The following ETV1 variants were observed in gnomAD, a reference collection of about 807,000 sequenced individuals.
The protein encoded by ETV1 is ETS translocation variant 1.
A neutral mutation model predicts 62.3 loss-of-function variants in ETV1; 27 were observed. The ratio of observed to expected loss-of-function variants is 0.43; its 90% CI spans 0.32 to 0.60. The LOEUF (loss-of-function observed/expected upper bound fraction) is 0.60. Among genes scored for constraint, ETV1 ranks in the 20% least tolerant of loss-of-function variants. ETV1 has a pLI of 0.06. For missense variants in ETV1, 605 were observed against 605.8 expected, an observed-to-expected ratio of 1.00 and a Z score of 0.01; for synonymous variants, 222 against 199.6, an observed-to-expected ratio of 1.11 and a Z score of -0.94.
intron 6 of ETV1, among the ~76,000 whole-genome samples, chr7:13,943,052 C>G: frequency 6.6e-6 from 1 of 152,118 alleles, no homozygotes; most frequent in East Asian, 1.9e-4. Context: ...AAGTCACAAG[C>G]TATAAGATGT....
At chr7:13,926,619 TATC>T (rs1785457108) in intron 9 of ETV1, among the ~76,000 whole-genome samples, 1 of 152,148 alleles carries the variant, frequency 6.6e-6, no homozygotes, top group Non-Finnish European at 1.5e-5. Flanking sequence ...TGAAAAAAAA[TATC>T]ATGTTGGATT....
intron 10 of ETV1, among the ~76,000 whole-genome samples, chr7:13,909,972 T>A (rs1327194032): frequency 6.6e-6 from 1 of 152,106 alleles, no homozygotes; most frequent in African/African-American, 2.4e-5. Context: ...GTTATTTACA[T>A]TGTTAACTCA....
intron 5 of ETV1, chr7:13,986,230 C>G (rs1002979244): frequency 6.4e-7 from 1 of 1,553,008 alleles, no homozygotes; most frequent in Non-Finnish European, 8.7e-7. Flanking sequence ...AAGTCCTCCA[C>G]CAGAACACCA....
chr7:13,928,446 C>G (rs933492244), intron 9 of ETV1, among the ~76,000 whole-genome samples: 5 of 151,758 alleles, frequency 3.3e-5, no homozygotes, highest in Admixed American at 3.3e-4. Context: ...GAAATCCTGT[C>G]TCTACTAAAA....
chr7:13,976,315 G>A (rs1781447604), intron 6 of ETV1, among the ~76,000 whole-genome samples: 1 of 152,150 alleles, frequency 6.6e-6, no homozygotes, highest in African/African-American at 2.4e-5. Context: ...CAATGTGAAT[G>A]TACTTAGTGC....
chr7:13,968,447 T>C (rs889535672), intron 6 of ETV1, among the ~76,000 whole-genome samples: 6 of 151,586 alleles, frequency 4.0e-5, no homozygotes, highest in Admixed American at 2.0e-4. Context: ...TAGTGAAAAG[T>C]ATCTACTAGA....
chr7:13,907,976 C>T, intron 11 of ETV1: 2 of 350,742 alleles, frequency 5.7e-6, no homozygotes, highest in Non-Finnish European at 1.2e-5. Context: ...TTTTATTTAT[C>T]TCAGTTTTTC....
intron 9 of ETV1, among the ~76,000 whole-genome samples, chr7:13,917,622 T>A (rs188914907): frequency 6.6e-6 from 1 of 151,712 alleles, no homozygotes; most frequent in Admixed American, 6.6e-5. Flanking sequence ...TGACCAACTT[T>A]GAGTATTTAT....
chr7:13,949,508 G>T (rs964781542), intron 6 of ETV1, among the ~76,000 whole-genome samples: 1 of 152,060 alleles, frequency 6.6e-6, no homozygotes, highest in East Asian at 1.9e-4. Flanking sequence ...TGCATCTGAG[G>T]CTCTCAAAGA....
In ETV1 at chr7:13,935,772, C is replaced by T. The variant is rs1257458642; in HGVS notation, c.490G>A (p.Ala164Thr). ...GATGGAGGGAGGTGAGCTGGGAAGGCCCGGTCAGGTTTCGGTGTATGAGTT... is the reference window on the plus strand; with the variant it reads ...GATGGAGGGAGGTGAGCTGGGAAGGTCCGGTCAGGTTTCGGTGTATGAGTT... ...NSTHTPKPDR[A>T]FPAHLPPSQS... Residue 164 changes from alanine to threonine, a missense_variant, in exon 8 of 14, where the codon GCC becomes ACC. Ala to Thr is a moderately conservative substitution (Grantham distance 58). Transcript: ENST00000430479. 1 of 1,613,806 alleles carries T rather than the reference C, an allele frequency of 6.2e-7. No individual in the cohort carries two copies. The highest frequency in any genetic ancestry group is 8.5e-7 in the Non-Finnish European group (1 of 1,179,870).
At chr7:13,949,436 T>C (rs1383081749) in intron 6 of ETV1, among the ~76,000 whole-genome samples, 2 of 152,134 alleles carry the variant, frequency 1.3e-5, no homozygotes, top group African/African-American at 2.4e-5. Context: ...ATAAAGACAA[T>C]GGTGTCACAT....
chr7:13,907,344 C>T (rs1247552808), intron 11 of ETV1, among the ~76,000 whole-genome samples: 1 of 152,012 alleles, frequency 6.6e-6, no homozygotes, highest in African/African-American at 2.4e-5. Flanking sequence ...ATTTAACTTG[C>T]TATTGTTTTT....
chr7:13,938,088 G>A (rs1173027712), intron 7 of ETV1, among the ~76,000 whole-genome samples: 2 of 152,160 alleles, frequency 1.3e-5, no homozygotes, highest in African/African-American at 4.8e-5. Context: ...TGGGATTACA[G>A]GCATGCGCCA....
At chr7:13,986,406 T>G (rs1782555329) in intron 5 of ETV1, 2 of 1,485,260 alleles carry the variant, frequency 1.3e-6, no homozygotes, top group Non-Finnish European at 1.8e-6. Flanking sequence ...AAAGCAGATG[T>G]GATTGTGAGC....
chr7:13,914,071 G>C (rs1196032401), intron 9 of ETV1, among the ~76,000 whole-genome samples: 1 of 151,674 alleles, frequency 6.6e-6, no homozygotes, highest in Non-Finnish European at 1.5e-5. Context: ...TTTTAGTAGA[G>C]ACGGGGTTTC....
intron 6 of ETV1, among the ~76,000 whole-genome samples, chr7:13,966,708 T>C (rs533541068): frequency 6.6e-6 from 1 of 152,244 alleles, no homozygotes; most frequent in East Asian, 1.9e-4. Flanking sequence ...AAGCACATTT[T>C]CTTCAATATG....
chr7:13,943,703 GC>G (rs1416706758), intron 6 of ETV1, among the ~76,000 whole-genome samples: 1 of 152,060 alleles, frequency 6.6e-6, no homozygotes, highest in African/African-American at 2.4e-5. Context: ...CAAATTACAT[GC>G]AAAAACAGAT....
intron 9 of ETV1, 61 bp from the exon 10 acceptor site, chr7:13,911,368 T>G (rs905759481): frequency 1.8e-6 from 2 of 1,121,338 alleles, no homozygotes; most frequent in Admixed American, 3.7e-5. Context: ...CGGTTATCAA[T>G]GGACAGGGTG....
intron 5 of ETV1, among the ~76,000 whole-genome samples, chr7:13,980,424 T>C (rs748069816): frequency 5.9e-5 from 9 of 152,204 alleles, no homozygotes; most frequent in African/African-American, 1.7e-4. Context: ...AACTCCAAAG[T>C]TGAAAATTAA....
Sources: gnomAD v4.1 joint callset for allele counts (sites outside exome capture counted in the v4.1 genomes callset) on GRCh38, gnomAD v4.1.1 for gene constraint, MANE v1.5 for transcripts, NCBI Gene and HGNC (gene_info 2026-07-23, HGNC 2026-07-21) for gene names.